The following PCDH7 variants were observed in gnomAD, a reference collection of about 807,000 sequenced individuals.
PCDH7 encodes protocadherin 7.
PCDH7 carries 17 observed loss-of-function variants against 58.9 expected under a neutral mutation model. The observed-to-expected ratio is 0.29, with a 90% CI of 0.20 to 0.43. The LOEUF is 0.43. PCDH7 is among the 20% of genes least tolerant of loss of function. The pLI is 1.00. For synonymous variants in PCDH7, 664 were observed against 616.4 expected, an observed-to-expected ratio of 1.08 and a Z score of -1.14; for missense variants, 1,274 against 1,441.0, an observed-to-expected ratio of 0.88 and a Z score of 1.88.
chr4:31,128,574 A>G (rs1304206748), intron 3 of PCDH7, among the ~76,000 whole-genome samples: 3 of 152,222 alleles, frequency 2.0e-5, no homozygotes, highest in Non-Finnish European at 2.9e-5. Context: ...AAAGACATGT[A>G]TAACTGCCAA....
intron 1 of PCDH7, among the ~76,000 whole-genome samples, chr4:30,837,183 G>T (rs987431785): frequency 2.0e-5 from 3 of 152,026 alleles, no homozygotes; most frequent in Non-Finnish European, 4.4e-5. Context: ...ATGCACCAAA[G>T]CACTGGATTA....
chr4:31,040,148 AGT>A (rs1025752887), intron 3 of PCDH7, among the ~76,000 whole-genome samples: 2 of 152,206 alleles, frequency 1.3e-5, no homozygotes, highest in African/African-American at 4.8e-5. Flanking sequence ...TGTATACTGC[AGT>A]GTGTCTTGAC....
At chr4:30,842,925 T>TA (rs1178220800) in intron 1 of PCDH7, among the ~76,000 whole-genome samples, 1 of 152,154 alleles carries the variant, frequency 6.6e-6, no homozygotes, top group Non-Finnish European at 1.5e-5. Flanking sequence ...TTTGTCTACT[T>TA]ATTCTATTGT....
intron 3 of PCDH7, among the ~76,000 whole-genome samples, chr4:30,969,465 A>G (rs1342470060): frequency 6.6e-6 from 1 of 152,216 alleles, no homozygotes; most frequent in Non-Finnish European, 1.5e-5. Context: ...GCTAAACCAA[A>G]TGAAGCAACG....
At chr4:30,749,019 A>G (rs1718138341) in intron 1 of PCDH7, among the ~76,000 whole-genome samples, 1 of 152,218 alleles carries the variant, frequency 6.6e-6, no homozygotes, top group Non-Finnish European at 1.5e-5. Context: ...CCATTATTAT[A>G]CTAGTACTTA....
intron 3 of PCDH7, among the ~76,000 whole-genome samples, chr4:31,069,088 A>G (rs895710176): frequency 6.6e-6 from 1 of 151,944 alleles, no homozygotes; most frequent in Non-Finnish European, 1.5e-5. Flanking sequence ...AATAGCTGTT[A>G]TGTTCGAGCT....
At chr4:30,899,547 T>G (rs1164607311) in intron 1 of PCDH7, among the ~76,000 whole-genome samples, 1 of 152,194 alleles carries the variant, frequency 6.6e-6, no homozygotes, top group African/African-American at 2.4e-5. Flanking sequence ...CATTTAAGCC[T>G]GTCAGCCAAT....
chr4:30,951,890 C>A (rs1374258456), intron 3 of PCDH7, among the ~76,000 whole-genome samples: 2 of 152,078 alleles, frequency 1.3e-5, no homozygotes, highest in Non-Finnish European at 2.9e-5. Context: ...TACTAGAGGG[C>A]AATGATTCCA....
At chr4:30,836,287 G>A in intron 1 of PCDH7, among the ~76,000 whole-genome samples, 1 of 152,186 alleles carries the variant, frequency 6.6e-6, no homozygotes, top group East Asian at 1.9e-4. Flanking sequence ...CAGTTTACTA[G>A]TGACAATGGG....
intron 3 of PCDH7, among the ~76,000 whole-genome samples, chr4:31,080,949 A>G (rs1377946175): frequency 6.6e-6 from 1 of 152,124 alleles, no homozygotes; most frequent in Admixed American, 6.5e-5. Context: ...CTTGGCTTTC[A>G]TTCTCTCTTG....
chr4:31,061,750 A>T (rs1757705354), intron 3 of PCDH7, among the ~76,000 whole-genome samples: 1 of 151,686 alleles, frequency 6.6e-6, no homozygotes, highest in Admixed American at 6.6e-5. Flanking sequence ...TAATATTCAA[A>T]GTATGGAGAT....
chr4:31,118,758 A>G (rs1456866122), intron 3 of PCDH7, among the ~76,000 whole-genome samples: 1 of 152,210 alleles, frequency 6.6e-6, no homozygotes, highest in Non-Finnish European at 1.5e-5. Flanking sequence ...ACTAACATAG[A>G]AAGAGCTTAA....
At chr4:31,105,440 A>G (rs1279053465) in intron 3 of PCDH7, among the ~76,000 whole-genome samples, 15 of 152,138 alleles carry the variant, frequency 9.9e-5, no homozygotes, top group Admixed American at 4.6e-4. Flanking sequence ...ATACATATGT[A>G]TAAGAACGGT....
At chr4:30,844,928 A>G (rs1285497176) in intron 1 of PCDH7, among the ~76,000 whole-genome samples, 2 of 152,134 alleles carry the variant, frequency 1.3e-5, no homozygotes, top group Non-Finnish European at 2.9e-5. Context: ...AAATCTGTGT[A>G]TGATTTTGTC....
At chr4:30,901,024 C>T (rs1275385390) in intron 1 of PCDH7, among the ~76,000 whole-genome samples, 2 of 152,058 alleles carry the variant, frequency 1.3e-5, no homozygotes, top group African/African-American at 2.4e-5. Context: ...ATAAATAAAA[C>T]TCTATTACTC....
chr4:30,853,574 T>A (rs1325610205), intron 1 of PCDH7, among the ~76,000 whole-genome samples: 1 of 152,224 alleles, frequency 6.6e-6, no homozygotes, highest in African/African-American at 2.4e-5. Context: ...ATATTTATTT[T>A]TATTTTTAAT....
intron 1 of PCDH7, among the ~76,000 whole-genome samples, chr4:30,782,290 T>G (rs1054569307): frequency 6.6e-6 from 1 of 152,148 alleles, no homozygotes; most frequent in South Asian, 2.1e-4. Context: ...GATTTGAACT[T>G]GGATTTAAAA....
intron 3 of PCDH7, among the ~76,000 whole-genome samples, chr4:31,077,995 C>T (rs1286081497): frequency 6.6e-6 from 1 of 152,102 alleles, no homozygotes; most frequent in Non-Finnish European, 1.5e-5. Flanking sequence ...AATATTTTCT[C>T]AGGATTCGAT....
At chr4:30,892,980 G>A (rs1435484222) in intron 1 of PCDH7, among the ~76,000 whole-genome samples, 1 of 151,990 alleles carries the variant, frequency 6.6e-6, no homozygotes, top group Non-Finnish European at 1.5e-5. Context: ...TTCCACAACT[G>A]TTTACTCCAA....
Sources: gnomAD v4.1 joint callset for allele counts (sites outside exome capture counted in the v4.1 genomes callset) on GRCh38, gnomAD v4.1.1 for gene constraint, MANE v1.5 for transcripts, NCBI Gene and HGNC (gene_info 2026-07-23, HGNC 2026-07-21) for gene names.